GRIA3: variants seen among roughly 807,000 people sequenced by gnomAD.
GRIA3 encodes the protein glutamate ionotropic receptor AMPA type subunit 3.
In GRIA3, 3 loss-of-function variants were observed where a neutral mutation model predicts 63.0. The ratio of observed to expected loss-of-function variants is 0.05; its 90% CI spans 0.02 to 0.12. The LOEUF (loss-of-function observed/expected upper bound fraction) is 0.12, where lower values mean the gene tolerates loss of function less well. Ranked by LOEUF, GRIA3 falls within the 10% of genes least tolerant of loss-of-function variation. The pLI is 1.00. For missense variants in GRIA3, 347 were observed against 700.9 expected (o/e 0.50, Z 5.70); for synonymous variants, 274 against 257.9 (o/e 1.06, Z -0.60).
chrX:123,259,797 T>G, intron 3 of GRIA3, among the ~76,000 whole-genome samples: 1 of 111,547 alleles, frequency 9.0e-6, no homozygotes, highest in Non-Finnish European at 1.9e-5. Flanking sequence ...CGTTCCACAG[T>G]CTATGTACTG....
intron 4 of GRIA3, among the ~76,000 whole-genome samples, chrX:123,353,829 A>G (rs2045114897): frequency 8.9e-6 from 1 of 111,820 alleles, no homozygotes; most frequent in Non-Finnish European, 1.9e-5. Flanking sequence ...TGTTCCGTCC[A>G]TGGGTACTCA....
chrX:123,283,540 G>T (rs2147301574), intron 3 of GRIA3, among the ~76,000 whole-genome samples: 1 of 111,568 alleles, frequency 9.0e-6, no homozygotes, highest in African/African-American at 3.3e-5. Flanking sequence ...GTCGACCTGA[G>T]ATGCTGGAGC....
chrX:123,482,416 AGAGATT>A (rs1238469413), intron 14 of GRIA3, among the ~76,000 whole-genome samples: 1 of 111,618 alleles, frequency 9.0e-6, no homozygotes, highest in Non-Finnish European at 1.9e-5. Context: ...TTACATTTAT[AGAGATT>A]ATGTCACCGC....
At chrX:123,380,496 GT>G (rs1419737472) in intron 5 of GRIA3, among the ~76,000 whole-genome samples, 4 of 111,379 alleles carry the variant, frequency 3.6e-5, no homozygotes, top group African/African-American at 1.3e-4. Context: ...GGGGTTGTTG[GT>G]TTTTTTCTTG....
intron 12 of GRIA3, among the ~76,000 whole-genome samples, chrX:123,428,690 A>G (rs1348262737): frequency 8.9e-6 from 1 of 111,919 alleles, no homozygotes; most frequent in Non-Finnish European, 1.9e-5. Flanking sequence ...AGGACAGCTG[A>G]TAATTGTTTT....
At chrX:123,486,584 G>C (rs986567674) in intron 15 of GRIA3, among the ~76,000 whole-genome samples, 10 of 112,374 alleles carry the variant, frequency 8.9e-5, no homozygotes, top group African/African-American at 3.2e-4. Context: ...TTAGTCAAGA[G>C]GCATAAAGCA....
At chrX:123,260,426 C>CAGAAAGAAAGAA (rs1228813293) in intron 3 of GRIA3, among the ~76,000 whole-genome samples, 88 of 7,357 alleles carry the variant, frequency 0.012, 4 homozygotes, top group African/African-American at 0.029. Flanking sequence ...GACAGACAGA[C>CAGAAAGAAAGAA]AGAAAGAAAG....
intron 3 of GRIA3, among the ~76,000 whole-genome samples, chrX:123,266,434 C>T (rs540176984): frequency 1.8e-5 from 2 of 111,684 alleles, no homozygotes; most frequent in African/African-American, 6.5e-5. Context: ...GTAGAAACCT[C>T]ATCCTTGAAT....
intron 10 of GRIA3, among the ~76,000 whole-genome samples, chrX:123,412,517 C>T (rs2045512744): frequency 9.0e-6 from 1 of 111,635 alleles, no homozygotes; most frequent in Non-Finnish European, 1.9e-5. Context: ...CCAAAAACTG[C>T]CTGTGGGAAT....
chrX:123,450,540 GAGA>G (rs958870269), intron 12 of GRIA3, among the ~76,000 whole-genome samples: 2 of 112,667 alleles, frequency 1.8e-5, no homozygotes, highest in Non-Finnish European at 3.7e-5. Context: ...CTCTGGAAGA[GAGA>G]AGAAGGAGAA....
Position 123,483,021 on chromosome X carries a change from G to A in GRIA3, c.2662G>A (p.Gly888Arg). Residue 888 changes from glycine (G) to arginine (R), a missense_variant, in exon 15 of 16, where the codon GGA (glycine) becomes AGA (arginine). By Grantham distance (125) the Gly-to-Arg change is moderately radical (BLOSUM62 -2). This residue lies in a region of GRIA3 where 29 missense variants were observed against 46.7 expected (regional missense o/e 0.62). Coordinates refer to ENST00000620443, the MANE Select transcript of GRIA3 (RefSeq NM_007325.5). The stretch of plus-strand genomic sequence containing the variant: ...ATACAGAGAAGGCTACAACGTGTAT[G>A]GAACAGAGAGTGTTAAGATCTAGGG... ...ATYREGYNVY[G>R]TESVKI 1 of 1,203,774 alleles carries A rather than the reference G, an allele frequency of 8.3e-7. No individual in the cohort carries two copies. Among genetic ancestry groups the A allele is most frequent in the Non-Finnish European group, 1.1e-6 (1 of 888,447 alleles).
At chrX:123,208,233 TG>T (rs894621629) in intron 2 of GRIA3, among the ~76,000 whole-genome samples, 1 of 112,037 alleles carries the variant, frequency 8.9e-6, no homozygotes, top group Non-Finnish European at 1.9e-5. Flanking sequence ...ATATGAGATT[TG>T]AAAAGAATAT....
intron 5 of GRIA3, among the ~76,000 whole-genome samples, chrX:123,363,516 G>A (rs774372984): frequency 2.8e-4 from 31 of 112,646 alleles, no homozygotes; most frequent in Middle Eastern, 4.6e-3. Context: ...ATCTTTGGAA[G>A]ACTGAATTGT....
chrX:123,252,513 T>A (rs1334969124), intron 2 of GRIA3, among the ~76,000 whole-genome samples: 1 of 112,237 alleles, frequency 8.9e-6, no homozygotes. Context: ...TCACATTTTT[T>A]AAGCTCTTAT....
At chrX:123,482,285 A>T (rs770054217) in intron 14 of GRIA3, among the ~76,000 whole-genome samples, 148 of 112,327 alleles carry the variant, frequency 1.3e-3, no homozygotes, top group Non-Finnish European at 2.5e-3. Flanking sequence ...CTCTAATATT[A>T]TCATGTCGTA....
Position 123,483,014 on chromosome X carries a change from C to T in GRIA3, c.2655C>T (p.Asn885=), listed in dbSNP as rs776906459. The T allele has an allele frequency of 3.3e-6, 4 of 1,201,651 alleles. No homozygotes were observed. In the East Asian group the frequency reaches 1.2e-4, roughly 36 times the overall value. ...QNYATYREGY[N]VYGTESVKI Reference sequence around the variant, plus strand: ...ATGCTACATACAGAGAAGGCTACAACGTGTATGGAACAGAGAGTGTTAAGA... The same window carrying T: ...ATGCTACATACAGAGAAGGCTACAATGTGTATGGAACAGAGAGTGTTAAGA... Residue 885 remains asparagine (N), a synonymous_variant, in exon 15 of 16, where the codon AAC becomes AAT. Transcript: ENST00000620443.
intron 4 of GRIA3, among the ~76,000 whole-genome samples, chrX:123,328,640 T>C (rs1261174915): frequency 8.9e-6 from 1 of 112,084 alleles, no homozygotes; most frequent in African/African-American, 3.2e-5. Flanking sequence ...ATATCTCCAG[T>C]GTCCAACAGA....
rs185123270 is a variant in GRIA3 at position 123,459,338 on chromosome X, T to G, written c.2077-5527T>G. Among the ~76,000 whole-genome samples the G allele has an allele frequency of 1.0e-3, 113 of 111,952 alleles. 1 individual carries two copies. The highest frequency in any genetic ancestry group is 1.1e-3 in the Non-Finnish European group (60 of 53,123). ...CAATGACTAGGAGTGAACAACACCGTTGCAAAGAGACACAAGGTCTAAGTG... is the reference window on the plus strand; with the variant it reads ...CAATGACTAGGAGTGAACAACACCGGTGCAAAGAGACACAAGGTCTAAGTG... On this transcript the variant is annotated intron_variant, in intron 12 of 15. Transcript: ENST00000620443.
At chrX:123,425,101 T>C (rs1040334249) in intron 11 of GRIA3, among the ~76,000 whole-genome samples, 1 of 111,843 alleles carries the variant, frequency 8.9e-6, no homozygotes. Flanking sequence ...ACAATAATTA[T>C]ACAAATATGT....
Sources: gnomAD v4.1 joint callset for allele counts (sites outside exome capture counted in the v4.1 genomes callset) on GRCh38, gnomAD v4.1.1 for gene constraint, gnomAD v4.1.1 regional missense constraint, MANE v1.5 for transcripts, NCBI Gene and HGNC (gene_info 2026-07-23, HGNC 2026-07-21) for gene names.